The following RASA3 variants were observed in gnomAD, a reference collection of about 807,000 sequenced individuals.
RASA3 encodes ras GTPase-activating protein 3.
RASA3 carries 73 observed loss-of-function variants against 110.0 expected under a neutral mutation model. The observed-to-expected ratio is 0.66, with a 90% CI of 0.55 to 0.81. The LOEUF is 0.81. Among genes scored for constraint, RASA3 ranks in the 30% least tolerant of loss-of-function variants. RASA3 has a pLI of 0.00. For missense variants in RASA3, 976 were observed against 1,113.2 expected, an observed-to-expected ratio of 0.88 and a Z score of 1.75; for synonymous variants, 500 against 451.4, an observed-to-expected ratio of 1.11 and a Z score of -1.37.
chr13:114,125,161 T>G (rs2080428742), intron 1 of RASA3, among the ~76,000 whole-genome samples: 1 of 152,210 alleles, frequency 6.6e-6, no homozygotes, highest in African/African-American at 2.4e-5. Context: ...TGGCCTGGGC[T>G]TAATATGTTC....
intron 2 of RASA3, among the ~76,000 whole-genome samples, chr13:114,054,945 CAT>C: frequency 6.6e-6 from 1 of 152,208 alleles, no homozygotes; most frequent in East Asian, 1.9e-4. Flanking sequence ...TGCCCACAGG[CAT>C]GTGTGTGTGG....
At chr13:113,992,718 C>T (rs1211069959) in intron 21 of RASA3, 130 bp from the exon 22 acceptor site, 4 of 751,466 alleles carry the variant, frequency 5.3e-6, no homozygotes, top group East Asian at 5.7e-5. Context: ...TCGACAGGAT[C>T]GATTTGCTGT....
At position 114,020,737 on chromosome 13, in the gene RASA3, A is replaced by C. The variant is rs574899179; in HGVS notation, c.785+667T>G. ...AGAAAGGCAGGAGGCAGCAACACAC[A>C]ACATGTCCTGGGGTGGGTTCTGGGT... On this transcript the variant is annotated intron_variant, in intron 9 of 23. Transcript: ENST00000334062. 5.7e-4 allele frequency among the ~76,000 whole-genome samples: 87 copies of C among 152,316 alleles called. 2 individuals are homozygous for C. Among genetic ancestry groups the C allele is most frequent in the African/African-American group, 2.0e-3 (85 of 41,578 alleles).
In RASA3 at chr13:113,992,861, T is replaced by C. The variant is rs147333112; in HGVS notation, c.2142-273A>G. 6.0e-3 allele frequency among the ~76,000 whole-genome samples: 912 copies of C among 152,308 alleles called. 2 individuals carry two copies. Among genetic ancestry groups the C allele is most frequent in the African/African-American group, 0.018 (731 of 41,572 alleles). ...TCTGCTTCAGTTACCATTGGCCTATTTGGACACGTGGCAAAAGATCCTTGC... is the reference window on the plus strand; with the variant it reads ...TCTGCTTCAGTTACCATTGGCCTATCTGGACACGTGGCAAAAGATCCTTGC... On this transcript the variant is annotated intron_variant, in intron 21 of 23. Coordinates refer to ENST00000334062, the MANE Select transcript of RASA3 (RefSeq NM_007368.4).
intron 14 of RASA3, 106 bp from the exon 15 acceptor site, chr13:114,013,354 C>A (rs2053683660): frequency 5.6e-6 from 4 of 718,262 alleles, no homozygotes; most frequent in South Asian, 1.8e-5. Flanking sequence ...CAGCCACAGT[C>A]CTGGCTCTAT....
At chr13:114,071,463 T>G (rs1247186645) in intron 2 of RASA3, among the ~76,000 whole-genome samples, 1 of 152,150 alleles carries the variant, frequency 6.6e-6, no homozygotes, top group Non-Finnish European at 1.5e-5. Flanking sequence ...AGGCCCACAA[T>G]CCATAGGCCT....
At position 114,114,327 on chromosome 13, in the gene RASA3, G is replaced by A. The variant is rs191322626; in HGVS notation, c.55+18108C>T. On this transcript the variant is annotated intron_variant, in intron 1 of 23. Transcript: ENST00000334062. This position sits in a 1 kb window ranked among gnomAD's most constrained non-coding sequence, Gnocchi z 4.8. ...AACTTTCTGTTCTGGATTTCCTGGGGTTTCCTTTATTAGACTTGAGTCCAG... is the reference window on the plus strand; with the variant it reads ...AACTTTCTGTTCTGGATTTCCTGGGATTTCCTTTATTAGACTTGAGTCCAG... Among the ~76,000 whole-genome samples, 1 of 152,318 alleles carries A rather than the reference G, an allele frequency of 6.6e-6. No individual in the cohort carries two copies.
At chr13:114,015,484 T>C in intron 13 of RASA3, 152 bp from the exon 14 acceptor site, 1 of 927,076 alleles carries the variant, frequency 1.1e-6, no homozygotes. Flanking sequence ...AGCCACTCCC[T>C]GGAAATCTGT....
chr13:114,073,145 T>C (rs1455416121), intron 2 of RASA3, among the ~76,000 whole-genome samples: 4 of 138,860 alleles, frequency 2.9e-5, no homozygotes, highest in Non-Finnish European at 4.6e-5. Context: ...GTGATGTACA[T>C]GCTTGGGACA....
intron 8 of RASA3, among the ~76,000 whole-genome samples, chr13:114,024,055 C>G (rs1448920518): frequency 1.3e-5 from 2 of 152,226 alleles, no homozygotes; most frequent in East Asian, 3.8e-4. Flanking sequence ...CAGAGGGATG[C>G]GGACCTCTGG....
intron 1 of RASA3, among the ~76,000 whole-genome samples, chr13:114,110,565 C>T (rs1472970156): frequency 6.6e-6 from 1 of 152,206 alleles, no homozygotes; most frequent in Non-Finnish European, 1.5e-5. Context: ...CTCAGGAAAG[C>T]AGCAGGCAGC....
chr13:114,118,881 T>C lies in RASA3; in HGVS notation c.55+13554A>G, dbSNP rs118102469. Among the ~76,000 whole-genome samples the C allele has an allele frequency of 6.4e-4, 98 of 152,362 alleles. No individual in the cohort carries two copies. In the East Asian group the frequency reaches 0.014, roughly 21 times the overall value. ...CAGTGCAGCTACCCAGAGGGAAGCC[T>C]TGGGTGTGGGCAGCGACAGGGGTGT... On this transcript the variant is annotated intron_variant, in intron 1 of 23. Coordinates refer to ENST00000334062, the MANE Select transcript of RASA3 (RefSeq NM_007368.4).
Position 114,037,826 on chromosome 13 carries a change from G to A in RASA3, c.372+3174C>T, listed in dbSNP as rs558729233. 1.6e-3 allele frequency among the ~76,000 whole-genome samples: 240 copies of A among 152,334 alleles called. 3 individuals are homozygous for A. The highest frequency in any genetic ancestry group is 5.5e-3 in the African/African-American group (228 of 41,580). On this transcript the variant is annotated intron_variant, in intron 4 of 23. Coordinates refer to ENST00000334062, the MANE Select transcript of RASA3 (RefSeq NM_007368.4). The stretch of plus-strand genomic sequence containing the variant: ...CGTCCTGGTTGACGTTGCACCAGCT[G>A]CGCATGGCAGTGCCTGGGGAAGCCG...
chr13:113,995,384 G>A (rs1410216679), intron 21 of RASA3, among the ~76,000 whole-genome samples: 1 of 152,270 alleles, frequency 6.6e-6, no homozygotes, highest in Non-Finnish European at 1.5e-5. Flanking sequence ...CAGGATCTAA[G>A]GTCCCACCTC....
intron 2 of RASA3, among the ~76,000 whole-genome samples, chr13:114,063,607 G>T (rs903018481): frequency 6.6e-6 from 1 of 152,216 alleles, no homozygotes; most frequent in Non-Finnish European, 1.5e-5. Context: ...GGGGTCAGAC[G>T]GCACGTGTGT....
chr13:114,045,017 T>C (rs1356040869), intron 3 of RASA3, among the ~76,000 whole-genome samples: 3 of 152,172 alleles, frequency 2.0e-5, no homozygotes, highest in Admixed American at 1.3e-4. Flanking sequence ...GGATTTAAAA[T>C]CCCTTCGAGA....
Position 113,992,411 on chromosome 13 carries a change from A to C in RASA3, c.2245+74T>G, listed in dbSNP as rs2053139990. 13 of 1,215,236 alleles carry C rather than the reference A, an allele frequency of 1.1e-5. 1 individual carries two copies. Among genetic ancestry groups the C allele is most frequent in the Non-Finnish European group, 1.6e-5 (13 of 831,962 alleles). The allele number at this position is 1,215,236 out of a possible 1,614,324, so 75.3% of individuals were successfully genotyped here. A position where few individuals can be genotyped will look rare whatever the true frequency, so the allele number is the denominator to read the frequency against. On this transcript the variant is annotated intron_variant, in intron 22 of 23. Coordinates refer to ENST00000334062, the MANE Select transcript of RASA3 (RefSeq NM_007368.4). ...GGCTCAGACCACAGGTTTTCACCCCACAGCATGCTCCTGAGGCCGGGGCCT... is the reference window on the plus strand; with the variant it reads ...GGCTCAGACCACAGGTTTTCACCCCCCAGCATGCTCCTGAGGCCGGGGCCT...
chr13:114,034,684 G>A (rs1188171933), intron 4 of RASA3, among the ~76,000 whole-genome samples: 1 of 152,266 alleles, frequency 6.6e-6, no homozygotes, highest in Non-Finnish European at 1.5e-5. Context: ...GGCGCAGGCT[G>A]GAGAATCCCA....
rs377416097 is a variant in RASA3, at chr13:114,077,389, C to T, written c.56-3552G>A. Among the ~76,000 whole-genome samples the T allele has an allele frequency of 8.0e-5, 12 of 149,410 alleles. No homozygotes were observed. The East Asian group carries it at 1.6e-3, about 20-fold the overall frequency. ...CCCAGTCCTACCGCACTGGCACCAA[C>T]GCACCCAATTCATCCCTCCGTCCCT... On this transcript the variant is annotated intron_variant, in intron 1 of 23. Coordinates refer to ENST00000334062, the MANE Select transcript of RASA3 (RefSeq NM_007368.4).
Sources: gnomAD v4.1 joint callset for allele counts (sites outside exome capture counted in the v4.1 genomes callset) on GRCh38, gnomAD v4.1.1 for gene constraint, Gnocchi (gnomAD v3.1) non-coding constraint, MANE v1.5 for transcripts, NCBI Gene and HGNC (gene_info 2026-07-23, HGNC 2026-07-21) for gene names.